The following PTPRG variants were observed in gnomAD, a reference collection of about 807,000 sequenced individuals.
PTPRG encodes the protein protein tyrosine phosphatase receptor type G.
A neutral mutation model predicts 165.3 loss-of-function variants in PTPRG; 102 were observed. That is an observed-to-expected ratio of 0.62 (90% CI 0.53 to 0.73). The LOEUF (loss-of-function observed/expected upper bound fraction) is 0.73, where lower values mean the gene tolerates loss of function less well. Among genes scored for constraint, PTPRG ranks in the 30% least tolerant of loss-of-function variants. The pLI, the probability that PTPRG is intolerant of heterozygous loss-of-function variation, is 0.00. For missense variants in PTPRG, 1,866 were observed against 1,861.4 expected, an observed-to-expected ratio of 1.00 and a Z score of -0.05; for synonymous variants, 675 against 669.5, an observed-to-expected ratio of 1.01 and a Z score of -0.13.
intron 5 of PTPRG, among the ~76,000 whole-genome samples, chr3:62,123,736 TTAAA>T (rs1047232037): frequency 1.4e-4 from 22 of 152,150 alleles, no homozygotes; most frequent in African/African-American, 5.1e-4. Context: ...AAGGTTTCAC[TTAAA>T]TAGATATATT....
intron 1 of PTPRG, among the ~76,000 whole-genome samples, chr3:61,596,598 T>C (rs541923715): frequency 6.6e-5 from 10 of 152,300 alleles, no homozygotes; most frequent in African/African-American, 2.2e-4. Flanking sequence ...TCATTCCTGA[T>C]GAGGAAACTG....
intron 2 of PTPRG, among the ~76,000 whole-genome samples, chr3:61,838,679 T>G (rs1454296881): frequency 3.3e-5 from 5 of 152,238 alleles, no homozygotes; most frequent in South Asian, 2.1e-4. Flanking sequence ...CTAAGTTTTA[T>G]TTCAATAACA....
At chr3:61,888,533 G>A (rs9879846) in intron 2 of PTPRG, among the ~76,000 whole-genome samples, 2 of 151,896 alleles carry the variant, frequency 1.3e-5, no homozygotes, top group African/African-American at 4.8e-5. Flanking sequence ...GGGTTTCACC[G>A]TGTTAGCCAG....
At chr3:62,267,523 T>G in intron 18 of PTPRG, 31 bp downstream of exon 18, 1 of 1,574,986 alleles carries the variant, frequency 6.3e-7, no homozygotes, top group Non-Finnish European at 8.7e-7. Flanking sequence ...TAAACCTGTT[T>G]CTAGAAATTG....
At chr3:61,752,488 G>A (rs66472430) in intron 2 of PTPRG, among the ~76,000 whole-genome samples, 13,283 of 151,822 alleles carry the variant, frequency 0.087, 1,167 homozygotes, top group East Asian at 0.47. Context: ...ACTGTATCTG[G>A]CCTCTTATAG....
At chr3:62,154,649 G>A (rs1335117997) in intron 6 of PTPRG, among the ~76,000 whole-genome samples, 2 of 152,212 alleles carry the variant, frequency 1.3e-5, no homozygotes, top group South Asian at 2.1e-4. Context: ...TTTAGATGGG[G>A]GCTCGGCTGC....
intron 12 of PTPRG, among the ~76,000 whole-genome samples, chr3:62,205,532 G>A (rs538618165): frequency 6.6e-6 from 1 of 152,170 alleles, no homozygotes; most frequent in Non-Finnish European, 1.5e-5. Context: ...GGAGCGGAGG[G>A]ACAGTGTAGC....
chr3:61,859,940 T>G (rs143474065), intron 2 of PTPRG, among the ~76,000 whole-genome samples: 64 of 152,334 alleles, frequency 4.2e-4, no homozygotes, highest in African/African-American at 1.5e-3. Flanking sequence ...AACCAGTGTT[T>G]CATTATTCTT....
chr3:62,177,107 G>GA (rs201708126), intron 8 of PTPRG, among the ~76,000 whole-genome samples: 7 of 151,028 alleles, frequency 4.6e-5, no homozygotes, highest in African/African-American at 1.2e-4. Context: ...ACCAAGAAAA[G>GA]AAAAAAAAAT....
At chr3:62,106,526 G>C (rs1320430344) in intron 5 of PTPRG, among the ~76,000 whole-genome samples, 1 of 101,512 alleles carries the variant, frequency 9.9e-6, no homozygotes, top group Admixed American at 1.2e-4. Context: ...TTTTTGGCTT[G>C]ATCTCACTCT....
chr3:61,675,478 C>G (rs894560715), intron 1 of PTPRG, among the ~76,000 whole-genome samples: 1 of 152,030 alleles, frequency 6.6e-6, no homozygotes, highest in East Asian at 1.9e-4. Context: ...AACATATCAG[C>G]CAGAAACTGA....
chr3:62,267,281 C>A, intron 17 of PTPRG, 129 bp from the exon 18 acceptor site: 1 of 675,750 alleles, frequency 1.5e-6, no homozygotes, highest in Non-Finnish European at 2.5e-6. Context: ...TTTAGTTGTT[C>A]TGCCAAAAGT....
chr3:62,063,749 T>C (rs1176333641), intron 4 of PTPRG, among the ~76,000 whole-genome samples: 1 of 152,174 alleles, frequency 6.6e-6, no homozygotes, highest in Admixed American at 6.5e-5. Flanking sequence ...GCAATCCTCC[T>C]GCCTCATCCT....
At chr3:62,111,458 T>A (rs1019194672) in intron 5 of PTPRG, among the ~76,000 whole-genome samples, 2 of 152,224 alleles carry the variant, frequency 1.3e-5, no homozygotes, top group African/African-American at 2.4e-5. Flanking sequence ...GTCATTTTCT[T>A]TTCTGTTTAG....
intron 2 of PTPRG, chr3:61,753,764 T>C (rs965964385): frequency 3.1e-6 from 1 of 323,006 alleles, no homozygotes; most frequent in Non-Finnish European, 6.1e-6. Context: ...CCCAGCTAAT[T>C]TGTGTATTTT....
Position 62,190,790 on chromosome 3 carries a change from A to G in PTPRG, c.1034-679A>G, listed in dbSNP as rs1426219557. 6.6e-6 allele frequency among the ~76,000 whole-genome samples: 1 copy of G among 152,260 alleles called. No homozygotes were observed. Among genetic ancestry groups the G allele is most frequent in the Non-Finnish European group, 1.5e-5 (1 of 68,050 alleles). ...ACGGCCTGGCTTCTTCAAAACGTCC[A>G]TCATGAAGAAAAAGGCTGTTGACCA... On this transcript the variant is annotated intron_variant, in intron 8 of 29. Coordinates refer to ENST00000474889, the MANE Select transcript of PTPRG (RefSeq NM_002841.4). This position sits in a 1 kb window ranked among gnomAD's most constrained non-coding sequence, Gnocchi z 5.2.
At chr3:62,030,774 A>G (rs1473278310) in intron 4 of PTPRG, among the ~76,000 whole-genome samples, 1 of 152,340 alleles carries the variant, frequency 6.6e-6, no homozygotes, top group East Asian at 1.9e-4. Context: ...AATGGAATTA[A>G]TTGTTCAAAA....
chr3:61,953,609 C>T (rs1178021558), intron 2 of PTPRG, among the ~76,000 whole-genome samples: 1 of 152,094 alleles, frequency 6.6e-6, no homozygotes, highest in African/African-American at 2.4e-5. Context: ...GGAGACTCTT[C>T]CCACAGGCTG....
intron 2 of PTPRG, among the ~76,000 whole-genome samples, chr3:61,887,617 T>A (rs527692920): frequency 8.7e-4 from 133 of 152,224 alleles, no homozygotes; most frequent in African/African-American, 3.1e-3. Flanking sequence ...TGTGTGGTAG[T>A]TTTGGACAGT....
Sources: gnomAD v4.1 joint callset for allele counts (sites outside exome capture counted in the v4.1 genomes callset) on GRCh38, gnomAD v4.1.1 for gene constraint, Gnocchi (gnomAD v3.1) non-coding constraint, MANE v1.5 for transcripts, NCBI Gene and HGNC (gene_info 2026-07-23, HGNC 2026-07-21) for gene names.